CELF2: variants seen among roughly 807,000 people sequenced by gnomAD.
The protein encoded by CELF2 is CUG triplet repeat RNA-binding protein 2.
A neutral mutation model predicts 62.6 loss-of-function variants in CELF2; 8 were observed. The ratio of observed to expected loss-of-function variants is 0.13; its 90% CI spans 0.07 to 0.23. The LOEUF (loss-of-function observed/expected upper bound fraction) is 0.23, where lower values mean the gene tolerates loss of function less well. Among genes scored for constraint, CELF2 ranks in the 10% least tolerant of loss-of-function variants. The pLI, the probability that CELF2 is intolerant of heterozygous loss-of-function variation, is 1.00. For synonymous variants in CELF2, 258 were observed against 250.0 expected (o/e 1.03, Z -0.30); for missense variants, 333 against 671.0 (o/e 0.50, Z 5.56).
rs2095943909 is a variant in CELF2, at chr10:11,329,699, GTTA to G, written c.*649_*651del. 2 of 152,442 alleles carry G rather than the reference GTTA, an allele frequency of 1.3e-5. No individual in the cohort carries two copies. The highest frequency in any genetic ancestry group is 4.1e-4 in the South Asian group (2 of 4,834). The allele number at this position is 152,442 out of a possible 1,614,324, so 9.4% of individuals were successfully genotyped here. On this transcript the variant is annotated 3_prime_UTR_variant, in exon 13 of 13. Coordinates refer to ENST00000633077, the MANE Select transcript of CELF2 (RefSeq NM_001326342.2). This position sits in a 1 kb window ranked among gnomAD's most constrained non-coding sequence, Gnocchi z 5.5. ...AAATATTACACTGGTTGTCTATTTT[GTTA>G]TTGTTTTATTTTAGTTTTTAGAAAG...
chr10:11,175,403 T>C (rs1293394593), intron 2 of CELF2, among the ~76,000 whole-genome samples: 2 of 152,152 alleles, frequency 1.3e-5, no homozygotes, highest in Admixed American at 6.5e-5. Flanking sequence ...GAGAATATGA[T>C]TGAAGTTTTG....
chr10:10,903,380 A>G (rs1051602290), intron 1 of CELF2, among the ~76,000 whole-genome samples: 2 of 152,230 alleles, frequency 1.3e-5, no homozygotes, highest in African/African-American at 4.8e-5. Context: ...GTTAGTACAC[A>G]TACCTCCTTT....
intron 1 of CELF2, among the ~76,000 whole-genome samples, chr10:10,846,407 G>A (rs1183525486): frequency 2.6e-5 from 4 of 152,070 alleles, no homozygotes; most frequent in East Asian, 3.8e-4. Flanking sequence ...CTGAGAGCCC[G>A]AGGAATCCAC....
intron 2 of CELF2, among the ~76,000 whole-genome samples, chr10:11,215,626 G>A (rs140370120): frequency 1.4e-3 from 207 of 151,436 alleles, no homozygotes; most frequent in South Asian, 7.5e-3. Flanking sequence ...ATTAAATGAG[G>A]CGGTAATTCA....
the CELF2 span, among the ~76,000 whole-genome samples, chr10:10,620,450 CAAA>C: frequency 2.3e-5 from 2 of 88,252 alleles, no homozygotes; most frequent in Non-Finnish European, 2.1e-5. Context: ...GGCTCAGTCT[CAAA>C]AAAAAAAAAA....
chr10:10,835,974 T>C (rs185679370), intron 1 of CELF2, among the ~76,000 whole-genome samples: 1 of 152,022 alleles, frequency 6.6e-6, no homozygotes, highest in East Asian at 1.9e-4. Flanking sequence ...AGGGGGTGAT[T>C]TGAAGTGGAG....
the CELF2 span, among the ~76,000 whole-genome samples, chr10:10,463,904 G>C: frequency 2.0e-5 from 3 of 151,278 alleles, no homozygotes; most frequent in Non-Finnish European, 2.9e-5. Context: ...AAATGTAATG[G>C]GGAGGTTGTC....
In CELF2 at chr10:11,296,010, T is replaced by G. The variant is rs1338388236; in HGVS notation, c.976+7458T>G. 6.6e-6 allele frequency among the ~76,000 whole-genome samples: 1 copy of G among 152,148 alleles called. No homozygotes were observed. Among genetic ancestry groups the G allele is most frequent in the Non-Finnish European group, 1.5e-5 (1 of 68,032 alleles). On this transcript the variant is annotated intron_variant, in intron 9 of 12. Coordinates refer to ENST00000633077, the MANE Select transcript of CELF2 (RefSeq NM_001326342.2). This position sits in a 1 kb window ranked among gnomAD's most constrained non-coding sequence, Gnocchi z 5.0. Reference sequence around the variant, plus strand: ...TAACCAATTTAAAGCTTAATAAAGCTGCGCAGCTTTGGGGGTAGAGATATT... The same window carrying G: ...TAACCAATTTAAAGCTTAATAAAGCGGCGCAGCTTTGGGGGTAGAGATATT...
upstream of CELF2, among the ~76,000 whole-genome samples, chr10:11,001,010 G>A (rs1188933590): frequency 6.6e-6 from 1 of 152,154 alleles, no homozygotes; most frequent in Non-Finnish European, 1.5e-5. Context: ...TGTGTCTTCA[G>A]TGTGACATCA....
At chr10:11,181,909 G>C (rs749016012) in intron 2 of CELF2, among the ~76,000 whole-genome samples, 1 of 152,154 alleles carries the variant, frequency 6.6e-6, no homozygotes, top group African/African-American at 2.4e-5. Flanking sequence ...TTCATGGCAC[G>C]TTGACATGGA....
chr10:10,988,875 TAAAC>T (rs1174511428), intron 2 of CELF2, among the ~76,000 whole-genome samples: 1 of 151,982 alleles, frequency 6.6e-6, no homozygotes, highest in East Asian at 1.9e-4. Context: ...GGAACCCAAA[TAAAC>T]AGATACACTC....
rs575264996 is a variant in CELF2, at chr10:11,018,078, G to A, written c.-12G>A. The A allele has an allele frequency of 3.4e-6, 5 of 1,455,182 alleles. No homozygotes were observed. The Middle Eastern group carries it at 5.6e-4, about 162-fold the overall frequency. 90.1% of individuals were successfully genotyped at this position (1,455,182 alleles called of 1,614,324 possible). A position where few individuals can be genotyped will look rare whatever the true frequency, so the allele number is the denominator to read the frequency against. On this transcript the variant is annotated 5_prime_UTR_variant, in exon 1 of 13. Coordinates refer to ENST00000633077, the MANE Select transcript of CELF2 (RefSeq NM_001326342.2). Reference sequence around the variant, plus strand: ...CCGCCCCCCGCCGCTGCCGCCGCGTGCGCCCGCGAACATGACTTCTGCCTT... The same window carrying A: ...CCGCCCCCCGCCGCTGCCGCCGCGTACGCCCGCGAACATGACTTCTGCCTT...
intron 1 of CELF2, among the ~76,000 whole-genome samples, chr10:11,097,716 G>A (rs2142289558): frequency 6.6e-6 from 1 of 152,276 alleles, no homozygotes; most frequent in Middle Eastern, 3.4e-3. Flanking sequence ...TTTGGTTTTA[G>A]GATCCTCCTG....
intron 8 of CELF2, among the ~76,000 whole-genome samples, chr10:11,275,420 T>A (rs1202216764): frequency 6.6e-6 from 1 of 152,226 alleles, no homozygotes; most frequent in Admixed American, 6.5e-5. Context: ...TTGTTGTTTT[T>A]ATAAATAAGA....
chr10:11,087,505 C>T (rs963581847), intron 1 of CELF2, among the ~76,000 whole-genome samples: 11 of 152,188 alleles, frequency 7.2e-5, no homozygotes, highest in Admixed American at 3.9e-4. Context: ...TCTGACGGCC[C>T]GTCGACTGAC....
At chr10:10,540,486 A>G in the CELF2 span, among the ~76,000 whole-genome samples, 1 of 152,190 alleles carries the variant, frequency 6.6e-6, no homozygotes, top group African/African-American at 2.4e-5. Context: ...TTGCCTTTTC[A>G]CAGAGCAAGC....
At chr10:10,499,568 C>T in the CELF2 span, among the ~76,000 whole-genome samples, 2 of 151,950 alleles carry the variant, frequency 1.3e-5, no homozygotes, top group Non-Finnish European at 2.9e-5. Context: ...GGGAAACAAG[C>T]TGGGATGATG....
At chr10:10,482,835 C>T in the CELF2 span, among the ~76,000 whole-genome samples, 118 of 152,254 alleles carry the variant, frequency 7.8e-4, 1 homozygote, top group East Asian at 0.019. Flanking sequence ...TGCCCTAAAT[C>T]GCTCCAGTGC....
the CELF2 span, among the ~76,000 whole-genome samples, chr10:10,760,808 G>A: frequency 2.0e-5 from 3 of 152,156 alleles, no homozygotes; most frequent in African/African-American, 7.2e-5. Context: ...CTCTATGAGT[G>A]GGAGGAACTG....
Sources: gnomAD v4.1 joint callset for allele counts (sites outside exome capture counted in the v4.1 genomes callset) on GRCh38, gnomAD v4.1.1 for gene constraint, Gnocchi (gnomAD v3.1) non-coding constraint, MANE v1.5 for transcripts, NCBI Gene and HGNC (gene_info 2026-07-23, HGNC 2026-07-21) for gene names.